The following OSBP2 variants were observed in gnomAD, a reference collection of about 807,000 sequenced individuals.
The protein encoded by OSBP2 is oxysterol binding protein 2.
OSBP2 carries 66 observed loss-of-function variants against 96.0 expected under a neutral mutation model. The observed-to-expected ratio is 0.69, with a 90% CI of 0.56 to 0.84. The LOEUF (loss-of-function observed/expected upper bound fraction) is 0.84, where lower values mean the gene tolerates loss of function less well. Among genes scored for constraint, OSBP2 ranks in the 40% least tolerant of loss-of-function variants. The pLI is 0.00. For missense variants in OSBP2, 1,038 were observed against 1,222.7 expected (o/e 0.85, Z 2.25); for synonymous variants, 525 against 520.9 (o/e 1.01, Z -0.11).
chr22:30,885,692 C>G (rs2039794788), intron 3 of OSBP2, among the ~76,000 whole-genome samples: 1 of 152,258 alleles, frequency 6.6e-6, no homozygotes, highest in Non-Finnish European at 1.5e-5. Context: ...TAGACAAGGG[C>G]CAGTGACAAA....
intron 8 of OSBP2, among the ~76,000 whole-genome samples, chr22:30,891,917 G>A (rs775958269): frequency 6.6e-6 from 1 of 152,194 alleles, no homozygotes; most frequent in African/African-American, 2.4e-5. Flanking sequence ...TACTGTGGCT[G>A]CTTCCAGCTC....
intron 2 of OSBP2, among the ~76,000 whole-genome samples, chr22:30,858,131 G>T (rs202065604): frequency 0.17 from 15,045 of 90,956 alleles, 1,114 homozygotes; most frequent in African/African-American, 0.3. Flanking sequence ...TTTTTTTTTT[G>T]TTTGTTTGTT....
intron 1 of OSBP2, among the ~76,000 whole-genome samples, chr22:30,732,020 G>A (rs1019881509): frequency 2.6e-5 from 4 of 152,048 alleles, no homozygotes; most frequent in Non-Finnish European, 5.9e-5. Context: ...AAGAGATACC[G>A]GTGCTAGGCA....
chr22:30,763,010 G>A (rs1473907257), intron 2 of OSBP2, among the ~76,000 whole-genome samples: 1 of 152,186 alleles, frequency 6.6e-6, no homozygotes, highest in East Asian at 1.9e-4. Context: ...TTCAAATCGT[G>A]GCTCCCACAC....
rs1569100540 is a variant in OSBP2 at position 30,730,794 on chromosome 22, A to T, written c.645-10367A>T. Reference sequence around the variant, plus strand: ...TCTCTCTATATATATATATATATATATATATATATATATAATTTTTTTTTT... The same window carrying T: ...TCTCTCTATATATATATATATATATTTATATATATATATAATTTTTTTTTT... On this transcript the variant is annotated intron_variant, in intron 1 of 13. Coordinates refer to ENST00000332585, the MANE Select transcript of OSBP2 (RefSeq NM_030758.4). Among the ~76,000 whole-genome samples the T allele has an allele frequency of 4.7e-4, 24 of 51,426 alleles. 4 individuals carry two copies. In the East Asian group the frequency reaches 6.5e-3, roughly 14 times the overall value. 33.7% of individuals were successfully genotyped at this position (51,426 alleles called of 152,430 possible).
intron 2 of OSBP2, among the ~76,000 whole-genome samples, chr22:30,823,634 T>G (rs2038334092): frequency 6.6e-6 from 1 of 152,248 alleles, no homozygotes; most frequent in Non-Finnish European, 1.5e-5. Context: ...ACTTCGAAGT[T>G]GCAGGCTGCA....
intron 12 of OSBP2, among the ~76,000 whole-genome samples, chr22:30,903,642 A>G (rs2040263523): frequency 6.6e-6 from 1 of 152,246 alleles, no homozygotes; most frequent in Non-Finnish European, 1.5e-5. Flanking sequence ...GGCCAGCTGC[A>G]GTGAATGGCC....
intron 1 of OSBP2, among the ~76,000 whole-genome samples, chr22:30,705,270 TCCC>T (rs1448451378): frequency 6.8e-6 from 1 of 146,436 alleles, no homozygotes; most frequent in Admixed American, 7.0e-5. Context: ...GACCCCTTCC[TCCC>T]CAGTATTTTT....
intron 2 of OSBP2, among the ~76,000 whole-genome samples, chr22:30,866,993 C>G (rs1356877428): frequency 6.6e-6 from 1 of 152,210 alleles, no homozygotes; most frequent in Non-Finnish European, 1.5e-5. Flanking sequence ...TGTGTCACAG[C>G]ATCCTTGTCT....
intron 2 of OSBP2, among the ~76,000 whole-genome samples, chr22:30,847,290 T>C (rs1195411226): frequency 6.6e-6 from 1 of 151,892 alleles, no homozygotes; most frequent in Non-Finnish European, 1.5e-5. Context: ...CATTCTTTTT[T>C]CTTTTTCCCT....
chr22:30,769,312 A>ACATAAC (rs2090318342), intron 2 of OSBP2, among the ~76,000 whole-genome samples: 1 of 152,234 alleles, frequency 6.6e-6, no homozygotes, highest in African/African-American at 2.4e-5. Context: ...AATAATGTCT[A>ACATAAC]CATAAAGAGA....
chr22:30,865,450 C>G (rs1020829179), intron 2 of OSBP2, among the ~76,000 whole-genome samples: 17 of 151,974 alleles, frequency 1.1e-4, no homozygotes, highest in African/African-American at 4.1e-4. Flanking sequence ...CATAGTGAAA[C>G]CCCATCCCAT....
At chr22:30,799,202 C>A (rs1308189542) in intron 2 of OSBP2, among the ~76,000 whole-genome samples, 1 of 151,754 alleles carries the variant, frequency 6.6e-6, no homozygotes, top group Non-Finnish European at 1.5e-5. Context: ...CTCTGCCTCC[C>A]AGGTTGAGGC....
At chr22:30,899,029 G>A (rs1474228510) in intron 12 of OSBP2, among the ~76,000 whole-genome samples, 1 of 151,926 alleles carries the variant, frequency 6.6e-6, no homozygotes, top group East Asian at 1.9e-4. Flanking sequence ...GACATATAAA[G>A]TATAAAGACA....
chr22:30,826,707 C>T lies in OSBP2; in HGVS notation c.854-43722C>T, dbSNP rs150405490. Among the ~76,000 whole-genome samples, 73 of 152,292 alleles carry T rather than the reference C, an allele frequency of 4.8e-4. 2 individuals carry two copies. The East Asian group carries it at 0.011, about 23-fold the overall frequency. On this transcript the variant is annotated intron_variant, in intron 2 of 13. Transcript: ENST00000332585. Reference sequence around the variant, plus strand: ...CTTTTGTCTAACTGGTGTTTGGAACCGGCCCACCGCCTGGAAGTGAACAAT... The same window carrying T: ...CTTTTGTCTAACTGGTGTTTGGAACTGGCCCACCGCCTGGAAGTGAACAAT...
intron 12 of OSBP2, among the ~76,000 whole-genome samples, chr22:30,898,532 C>T (rs532659675): frequency 1.2e-4 from 18 of 152,066 alleles, no homozygotes; most frequent in African/African-American, 3.6e-4. Context: ...TCAATCATGG[C>T]GTAAGGTGAA....
At chr22:30,760,444 C>T (rs1179755734) in intron 2 of OSBP2, among the ~76,000 whole-genome samples, 1 of 152,158 alleles carries the variant, frequency 6.6e-6, no homozygotes, top group African/African-American at 2.4e-5. Context: ...TAGAATATTA[C>T]ACCATGATCA....
chr22:30,903,086 A>C (rs1273740675), intron 12 of OSBP2, among the ~76,000 whole-genome samples: 1 of 152,090 alleles, frequency 6.6e-6, no homozygotes, highest in African/African-American at 2.4e-5. Context: ...TCCCCAGAGG[A>C]TCGGAGGTGG....
intron 1 of OSBP2, among the ~76,000 whole-genome samples, chr22:30,718,836 C>G (rs1025524387): frequency 1.3e-5 from 2 of 152,158 alleles, no homozygotes; most frequent in South Asian, 4.1e-4. Context: ...GGGAACAGGG[C>G]TGATGGTGTG....
Sources: allele counts gnomAD v4.1 joint callset (sites outside exome capture counted in the v4.1 genomes callset), GRCh38; gene constraint gnomAD v4.1.1; transcripts MANE v1.5; gene names NCBI Gene and HGNC (gene_info 2026-07-23, HGNC 2026-07-21).